Variants in JMJD1C observed in about 807,000 individuals in gnomAD.
JMJD1C encodes the protein jumonji domain-containing protein 1C.
In JMJD1C, 31 loss-of-function variants were observed where a neutral mutation model predicts 245.3. The ratio of observed to expected loss-of-function variants is 0.13; its 90% CI spans 0.09 to 0.17. The LOEUF (loss-of-function observed/expected upper bound fraction) is 0.17, where lower values mean the gene tolerates loss of function less well. JMJD1C is among the 10% of genes least tolerant of loss of function. The probability of loss-of-function intolerance (pLI) is 1.00; values close to 1 mark genes in which losing one functional copy is unlikely to be tolerated. For missense variants in JMJD1C, 2,691 were observed against 3,000.2 expected (o/e 0.90, Z 2.41); for synonymous variants, 1,057 against 1,017.4 (o/e 1.04, Z -0.74).
intron 3 of JMJD1C, among the ~76,000 whole-genome samples, chr10:63,238,102 A>ACCTG (rs1850989595): frequency 6.8e-6 from 1 of 146,888 alleles, no homozygotes; most frequent in Non-Finnish European, 1.5e-5. Context: ...AATCGCTTGA[A>ACCTG]CCTGGGAGGT....
At chr10:63,476,270 A>G (rs1000450626) in intron 1 of JMJD1C, among the ~76,000 whole-genome samples, 12 of 148,942 alleles carry the variant, frequency 8.1e-5, no homozygotes, top group African/African-American at 2.7e-4. Context: ...TTATATATAT[A>G]AAGTTGATAA....
chr10:63,374,651 C>T (rs901486478), intron 2 of JMJD1C, among the ~76,000 whole-genome samples: 4 of 152,110 alleles, frequency 2.6e-5, no homozygotes, highest in Non-Finnish European at 4.4e-5. Context: ...TGGTATTTAT[C>T]CCAGTTGCTT....
At chr10:63,438,913 T>C (rs1951207187) in intron 1 of JMJD1C, among the ~76,000 whole-genome samples, 1 of 152,206 alleles carries the variant, frequency 6.6e-6, no homozygotes, top group Non-Finnish European at 1.5e-5. Context: ...TACATACCAT[T>C]CATCATACTC....
At chr10:63,323,970 G>A (rs78504686) in intron 2 of JMJD1C, among the ~76,000 whole-genome samples, 120 of 151,578 alleles carry the variant, frequency 7.9e-4, no homozygotes, top group African/African-American at 2.7e-3. Context: ...AGAACCAGGA[G>A]CACCCACATC....
chr10:63,390,254 A>C (rs1349957587), intron 1 of JMJD1C, among the ~76,000 whole-genome samples: 1 of 152,164 alleles, frequency 6.6e-6, no homozygotes, highest in African/African-American at 2.4e-5. Flanking sequence ...ATGAACAACT[A>C]TACAAAAACA....
chr10:63,451,834 T>C (rs1479353216), intron 1 of JMJD1C, among the ~76,000 whole-genome samples: 1 of 152,106 alleles, frequency 6.6e-6, no homozygotes, highest in East Asian at 1.9e-4. Flanking sequence ...AACTATTCAA[T>C]GGAAAAAGGA....
Position 63,319,206 on chromosome 10 carries a change from G to A in JMJD1C, c.334-54442C>T, listed in dbSNP as rs531819834. 3.5e-4 allele frequency among the ~76,000 whole-genome samples: 50 copies of A among 144,252 alleles called. No homozygotes were observed. In the East Asian group the frequency reaches 0.011, roughly 31 times the overall value. 94.6% of individuals were successfully genotyped at this position (144,252 alleles called of 152,430 possible). On this transcript the variant is annotated intron_variant, in intron 2 of 25. Transcript: ENST00000399262. ...CCGGAGGCGGAGCTTGCAGTGTGCT[G>A]AGACTGCGCCACTGCACTCCAGCCT...
At position 63,180,752 on chromosome 10, in the gene JMJD1C, A is replaced by T. The variant is rs1589068174; in HGVS notation, c.7084+2695T>A. 2.1e-5 allele frequency among the ~76,000 whole-genome samples: 3 copies of T among 145,710 alleles called. No homozygotes were observed. The South Asian group carries it at 6.6e-4, about 32-fold the overall frequency. ...CAAGTAGCTAGGATTACAGGCATACACCACCATGCACAGCTAATTTTTTTT... is the reference window on the plus strand; with the variant it reads ...CAAGTAGCTAGGATTACAGGCATACTCCACCATGCACAGCTAATTTTTTTT... On this transcript the variant is annotated intron_variant, in intron 22 of 25. Coordinates refer to ENST00000399262, the MANE Select transcript of JMJD1C (RefSeq NM_032776.3).
At chr10:63,518,981 T>C (rs1366123600) in intron 1 of JMJD1C, among the ~76,000 whole-genome samples, 1 of 152,204 alleles carries the variant, frequency 6.6e-6, no homozygotes, top group Non-Finnish European at 1.5e-5. Flanking sequence ...TTGAGTTAAC[T>C]TCTCTAAACC....
At chr10:63,456,115 CTCT>C (rs1212429908) in intron 1 of JMJD1C, among the ~76,000 whole-genome samples, 1 of 152,028 alleles carries the variant, frequency 6.6e-6, no homozygotes, top group African/African-American at 2.4e-5. Context: ...ACAACTTACT[CTCT>C]TAATTCACAT....
At chr10:63,293,113 G>A (rs1225251624) in intron 2 of JMJD1C, among the ~76,000 whole-genome samples, 1 of 152,112 alleles carries the variant, frequency 6.6e-6, no homozygotes, top group Non-Finnish European at 1.5e-5. Context: ...TCCCCAGGAA[G>A]ATTACACATT....
chr10:63,430,652 TTAGA>T (rs1487823446), intron 1 of JMJD1C, among the ~76,000 whole-genome samples: 1 of 152,182 alleles, frequency 6.6e-6, no homozygotes, highest in Non-Finnish European at 1.5e-5. Flanking sequence ...TATACTAAAA[TTAGA>T]TAGGGGTCAT....
chr10:63,516,972 C>G (rs1420540574), intron 1 of JMJD1C, among the ~76,000 whole-genome samples: 2 of 152,156 alleles, frequency 1.3e-5, no homozygotes, highest in African/African-American at 2.4e-5. Flanking sequence ...TAGCAGCAGA[C>G]AGAAAAAGAA....
rs754907562 is a variant in JMJD1C at position 63,214,194 on chromosome 10, G to A, written c.1973C>T (p.Ser658Phe). 3.7e-6 allele frequency: 6 copies of A among 1,614,018 alleles called. No individual in the cohort carries two copies. The highest frequency in any genetic ancestry group is 1.6e-4 in the Middle Eastern group (1 of 6,062). Residue 658 changes from serine (S) to phenylalanine (F), a missense_variant, in exon 8 of 26, where the codon TCT (serine) becomes TTT (phenylalanine). Around this residue, in one of 9 missense-constraint regions of JMJD1C, gnomAD observed 1,562 missense variants for 1,490.7 expected, o/e 1.05. Coordinates refer to ENST00000399262, the MANE Select transcript of JMJD1C (RefSeq NM_032776.3). ...KITHSPDSVK[S>F]KATYVNSQAT... ...TTGGCTGTTCACATAAGTGGCCTTA[G>A]ACTTTACAGAATCAGGAGAATGAGT...
chr10:63,245,478 CTTTTTTT>C lies in JMJD1C; in HGVS notation c.447+19166_447+19172del, dbSNP rs71025134. ...GAGAGGGAGCTTCTGCAGGGGAACT[CTTTTTTT>C]TTTTTTTTTTTTTTGAGATGAAGTC... On this transcript the variant is annotated intron_variant, in intron 3 of 25. Transcript: ENST00000399262. Among the ~76,000 whole-genome samples, 30 of 90,198 alleles carry C rather than the reference CTTTTTTT, an allele frequency of 3.3e-4. 1 individual carries two copies. Among genetic ancestry groups the C allele is most frequent in the East Asian group, 1.5e-3 (4 of 2,596 alleles). 59.2% of individuals were successfully genotyped at this position (90,198 alleles called of 152,430 possible).
intron 1 of JMJD1C, among the ~76,000 whole-genome samples, chr10:63,394,990 A>G (rs1044867017): frequency 6.6e-6 from 1 of 152,206 alleles, no homozygotes; most frequent in African/African-American, 2.4e-5. Flanking sequence ...TTGTATCAAG[A>G]ATATATAAAA....
chr10:63,381,517 A>C (rs753563901), intron 1 of JMJD1C, among the ~76,000 whole-genome samples: 2 of 152,192 alleles, frequency 1.3e-5, no homozygotes, highest in African/African-American at 2.4e-5. Context: ...AGGTGACAGA[A>C]TGAGACTCTG....
intron 2 of JMJD1C, among the ~76,000 whole-genome samples, chr10:63,269,500 A>G (rs1589345839): frequency 1.3e-5 from 2 of 152,376 alleles, no homozygotes; most frequent in Middle Eastern, 3.4e-3. Context: ...GAGAAAGTGC[A>G]GAAAAGAAAT....
chr10:63,313,198 G>A (rs1456064400), intron 2 of JMJD1C, among the ~76,000 whole-genome samples: 4 of 152,194 alleles, frequency 2.6e-5, no homozygotes, highest in African/African-American at 9.7e-5. Context: ...AACATACGAT[G>A]TTTGGTTTTT....
Sources: gnomAD v4.1 joint callset for allele counts (sites outside exome capture counted in the v4.1 genomes callset) on GRCh38, gnomAD v4.1.1 for gene constraint, gnomAD v4.1.1 regional missense constraint, MANE v1.5 for transcripts, NCBI Gene and HGNC (gene_info 2026-07-23, HGNC 2026-07-21) for gene names.